The following GBE1 variants were observed in gnomAD, a reference collection of about 807,000 sequenced individuals.
GBE1 encodes the protein 1,4-alpha-glucan branching enzyme 1.
GBE1 carries 70 observed loss-of-function variants against 88.8 expected under a neutral mutation model. The observed-to-expected ratio is 0.79, with a 90% CI of 0.65 to 0.96. The LOEUF is 0.96. GBE1 is among the 40% of genes least tolerant of loss of function. The pLI is 0.00. For missense variants in GBE1, 872 were observed against 871.0 expected (o/e 1.00, Z -0.01); for synonymous variants, 284 against 300.1 (o/e 0.95, Z 0.56).
At chr3:81,653,041 T>G (rs1347301666) in intron 3 of GBE1, among the ~76,000 whole-genome samples, 2 of 152,228 alleles carry the variant, frequency 1.3e-5, no homozygotes, top group Admixed American at 1.3e-4. Flanking sequence ...ACAATAAGTC[T>G]GGTAGCTAAT....
At chr3:81,680,494 CAAAAAAA>C (rs10711455) in intron 2 of GBE1, among the ~76,000 whole-genome samples, 3 of 94,712 alleles carry the variant, frequency 3.2e-5, no homozygotes, top group Non-Finnish European at 4.4e-5. Context: ...GACTCCGTCT[CAAAAAAA>C]AAAAAAAAAA....
chr3:81,743,213 C>T (rs1332847274), intron 1 of GBE1, among the ~76,000 whole-genome samples: 2 of 152,244 alleles, frequency 1.3e-5, no homozygotes, highest in South Asian at 4.1e-4. Context: ...AGGAAAACAA[C>T]ATTCCACTGG....
chr3:81,544,954 T>G (rs569154259), intron 12 of GBE1, among the ~76,000 whole-genome samples: 42 of 152,276 alleles, frequency 2.8e-4, no homozygotes, highest in African/African-American at 1.0e-3. Flanking sequence ...TTAATTAAAG[T>G]ATATCAAAAC....
chr3:81,612,734 CT>C, intron 7 of GBE1: 2 of 465,310 alleles, frequency 4.3e-6, no homozygotes. Context: ...CTTCTTGTCC[CT>C]TTTTAGGCAA....
chr3:81,735,601 T>C (rs1706247662), intron 1 of GBE1, among the ~76,000 whole-genome samples: 1 of 152,216 alleles, frequency 6.6e-6, no homozygotes, highest in African/African-American at 2.4e-5. Context: ...CGAACTGATA[T>C]GCCAGAGTGG....
intron 1 of GBE1, among the ~76,000 whole-genome samples, chr3:81,710,738 T>C (rs1247661548): frequency 2.6e-5 from 4 of 152,220 alleles, no homozygotes; most frequent in African/African-American, 9.7e-5. Context: ...GTATACTTTT[T>C]ACTTTATCAA....
chr3:81,543,091 T>C (rs1703162190), intron 12 of GBE1, among the ~76,000 whole-genome samples: 1 of 152,130 alleles, frequency 6.6e-6, no homozygotes, highest in South Asian at 2.1e-4. Flanking sequence ...TCATATAATA[T>C]GTAATATGAA....
Position 81,761,600 on chromosome 3 carries a change from G to T in GBE1, c.-83C>A, listed in dbSNP as rs1242681753. 5 of 1,494,514 alleles carry T rather than the reference G, an allele frequency of 3.3e-6. No individual in the cohort carries two copies. The highest frequency in any genetic ancestry group is 4.5e-6 in the Non-Finnish European group (5 of 1,118,318). 92.6% of individuals were successfully genotyped at this position (1,494,514 alleles called of 1,614,324 possible). A position where few individuals can be genotyped will look rare whatever the true frequency, so the allele number is the denominator to read the frequency against. On this transcript the variant is annotated 5_prime_UTR_variant, in exon 1 of 16. Transcript: ENST00000429644. ...GCTGGAGCTCTAGCTGGGACGCGGC[G>T]GCTAGGGCGGAGCCGGAGGGCGCCT...
At chr3:81,660,197 A>G (rs1705004422) in intron 3 of GBE1, among the ~76,000 whole-genome samples, 1 of 152,212 alleles carries the variant, frequency 6.6e-6, no homozygotes, top group Non-Finnish European at 1.5e-5. Context: ...ACAGCATTCC[A>G]GTAGGTTATA....
intron 12 of GBE1, among the ~76,000 whole-genome samples, chr3:81,559,117 TATTTTC>T (rs1703387300): frequency 6.6e-6 from 1 of 152,058 alleles, no homozygotes; most frequent in East Asian, 1.9e-4. Context: ...ACTCGAGAAG[TATTTTC>T]AAGAGAATAA....
chr3:81,592,850 TG>T (rs1458773725), intron 8 of GBE1, among the ~76,000 whole-genome samples: 1 of 152,094 alleles, frequency 6.6e-6, no homozygotes, highest in East Asian at 1.9e-4. Context: ...AACTGGAAAA[TG>T]GATATCAATA....
intron 12 of GBE1, among the ~76,000 whole-genome samples, chr3:81,564,703 C>G (rs541061212): frequency 2.0e-5 from 3 of 152,052 alleles, no homozygotes; most frequent in African/African-American, 7.2e-5. Flanking sequence ...TGAAAGCTAA[C>G]CTGGCAGGAG....
chr3:81,584,417 T>C (rs549261448), intron 10 of GBE1, among the ~76,000 whole-genome samples: 7 of 152,214 alleles, frequency 4.6e-5, no homozygotes, highest in African/African-American at 1.7e-4. Flanking sequence ...GAGCCACTTA[T>C]TGAATTGTTT....
At chr3:81,542,295 C>T (rs1433214243) in intron 12 of GBE1, among the ~76,000 whole-genome samples, 1 of 151,928 alleles carries the variant, frequency 6.6e-6, no homozygotes, top group Admixed American at 6.6e-5. Context: ...TTGACTTTTT[C>T]TAATATTTCT....
chr3:81,545,196 T>A lies in GBE1; in HGVS notation c.1619-8101A>T, dbSNP rs1283751400. On this transcript the variant is annotated intron_variant, in intron 12 of 15. Transcript: ENST00000429644. ...AAGTGTGAGGCACAGCACAAAGCAATTTTTTAAACCAGGGCCTGTGATTTT... is the reference window on the plus strand; with the variant it reads ...AAGTGTGAGGCACAGCACAAAGCAAATTTTTAAACCAGGGCCTGTGATTTT... Among the ~76,000 whole-genome samples the A allele has an allele frequency of 2.0e-5, 3 of 151,798 alleles. No individual in the cohort carries two copies. The East Asian group carries it at 5.9e-4, about 30-fold the overall frequency.
At chr3:81,495,794 C>A (rs548581210) in intron 15 of GBE1, among the ~76,000 whole-genome samples, 90 of 152,142 alleles carry the variant, frequency 5.9e-4, no homozygotes, top group African/African-American at 2.1e-3. Context: ...AACTGAGGGG[C>A]AATAAAAGTG....
At chr3:81,570,360 C>T (rs930671302) in intron 12 of GBE1, among the ~76,000 whole-genome samples, 1 of 152,244 alleles carries the variant, frequency 6.6e-6, no homozygotes. Flanking sequence ...GATCTATTGG[C>T]TCTCAGGATA....
At chr3:81,674,874 C>A (rs1244229341) in intron 2 of GBE1, among the ~76,000 whole-genome samples, 1 of 151,830 alleles carries the variant, frequency 6.6e-6, no homozygotes, top group Non-Finnish European at 1.5e-5. Flanking sequence ...ATAAACATGA[C>A]TCTTCATCAT....
chr3:81,701,816 T>C (rs1359918674), intron 2 of GBE1, among the ~76,000 whole-genome samples: 1 of 151,888 alleles, frequency 6.6e-6, no homozygotes, highest in African/African-American at 2.4e-5. Context: ...TTGCCCAAGA[T>C]GGTCTCAAAC....
Sources: gnomAD v4.1 joint callset for allele counts (sites outside exome capture counted in the v4.1 genomes callset) on GRCh38, gnomAD v4.1.1 for gene constraint, MANE v1.5 for transcripts, NCBI Gene and HGNC (gene_info 2026-07-23, HGNC 2026-07-21) for gene names.